Variants in USP49 observed in about 807,000 individuals in gnomAD.
USP49 encodes ubiquitin carboxyl-terminal hydrolase 49.
A neutral mutation model predicts 58.6 loss-of-function variants in USP49; 24 were observed. The observed-to-expected ratio is 0.41, with a 90% CI of 0.30 to 0.58. The LOEUF is 0.58. USP49 is among the 20% of genes least tolerant of loss of function. USP49 has a pLI of 0.30. For missense variants in USP49, 703 were observed against 866.1 expected (o/e 0.81, Z 2.36); for synonymous variants, 408 against 365.1 (o/e 1.12, Z -1.34).
intron 5 of USP49, among the ~76,000 whole-genome samples, chr6:41,802,407 T>TTTTTTTTTTATTTTATTTTA (rs1554142774): frequency 1.3e-5 from 1 of 76,098 alleles, no homozygotes; most frequent in Admixed American, 1.7e-4. Flanking sequence ...TTTATTTTAT[T>TTTTTTTTTTATTTTATTTTA]TTTTATTTTA....
chr6:41,800,030 C>G (rs941721023), intron 5 of USP49, 92 bp from the exon 6 acceptor site: 25 of 1,131,026 alleles, frequency 2.2e-5, no homozygotes, highest in Non-Finnish European at 3.2e-5. Context: ...TATGCATTCT[C>G]CATATTTCTC....
chr6:41,873,007 A>G (rs2127360010), intron 2 of USP49: 1 of 152,444 alleles, frequency 6.6e-6, no homozygotes, highest in African/African-American at 2.4e-5. Context: ...GCTGGCTGTC[A>G]AGATCCTAGA....
intron 6 of USP49, 44 bp downstream of exon 6, chr6:41,799,786 T>G (rs775921039): frequency 6.4e-7 from 1 of 1,563,016 alleles, no homozygotes; most frequent in South Asian, 1.1e-5. Context: ...GGAGCAGCTA[T>G]TCCCACAGCT....
chr6:41,860,577 G>A (rs1024716791), intron 3 of USP49, among the ~76,000 whole-genome samples: 3 of 151,910 alleles, frequency 2.0e-5, no homozygotes, highest in East Asian at 1.9e-4. Context: ...GCATGATCTC[G>A]GCTCACTGCA....
At position 41,864,652 on chromosome 6, in the gene USP49, A is replaced by G. The variant is rs144515780; in HGVS notation, c.-29+6912T>C. Reference sequence around the variant, plus strand: ...AATTAAAAAAAAATTCTATTAAAGTATATTTTAAAATTAAAATAATTTTTG... The same window carrying G: ...AATTAAAAAAAAATTCTATTAAAGTGTATTTTAAAATTAAAATAATTTTTG... On this transcript the variant is annotated intron_variant, in intron 3 of 7. Coordinates refer to ENST00000682992, the MANE Select transcript of USP49 (RefSeq NM_001286554.2). Among the ~76,000 whole-genome samples, 80 of 152,336 alleles carry G rather than the reference A, an allele frequency of 5.3e-4. 1 individual carries two copies. The highest frequency in any genetic ancestry group is 9.1e-4 in the Non-Finnish European group (62 of 68,034).
intron 3 of USP49, among the ~76,000 whole-genome samples, chr6:41,819,790 T>C (rs1773422267): frequency 1.3e-5 from 2 of 152,214 alleles, no homozygotes; most frequent in East Asian, 1.9e-4. Flanking sequence ...GAAAGGTTCA[T>C]AGCAGCATTA....
At chr6:41,855,110 T>C (rs1774102671) in intron 3 of USP49, among the ~76,000 whole-genome samples, 1 of 151,992 alleles carries the variant, frequency 6.6e-6, no homozygotes, top group Non-Finnish European at 1.5e-5. Flanking sequence ...ATTATTTAAA[T>C]GTCACAATTT....
chr6:41,836,557 A>G (rs974260506), intron 3 of USP49, among the ~76,000 whole-genome samples: 2 of 152,232 alleles, frequency 1.3e-5, no homozygotes, highest in Non-Finnish European at 2.9e-5. Flanking sequence ...AAAGGCATCC[A>G]AATAGGAAGA....
chr6:41,798,515 AT>A (rs1581987527), intron 7 of USP49: 1 of 1,404,236 alleles, frequency 7.1e-7, no homozygotes, highest in East Asian at 2.5e-5. Flanking sequence ...ACCTCAGGTG[AT>A]CCACCCACCG....
rs910431985 is a variant in USP49 at position 41,863,872 on chromosome 6, C to T, written c.-29+7692G>A. On this transcript the variant is annotated intron_variant, in intron 3 of 7. Coordinates refer to ENST00000682992, the MANE Select transcript of USP49 (RefSeq NM_001286554.2). ...CCTCGGGCTCAGGTGATCACCCCAC[C>T]TCAGCCCTTGGAACAGCTGGGATTA... Among the ~76,000 whole-genome samples, 46 of 152,282 alleles carry T rather than the reference C, an allele frequency of 3.0e-4. 1 individual carries two copies. The highest frequency in any genetic ancestry group is 1.5e-5 in the Non-Finnish European group (1 of 68,030).
At chr6:41,894,987 A>T (rs1451627942) in intron 1 of USP49, among the ~76,000 whole-genome samples, 1 of 150,318 alleles carries the variant, frequency 6.7e-6, no homozygotes, top group Non-Finnish European at 1.5e-5. Context: ...CCGCCAAAAT[A>T]AGGCGCCCGC....
chr6:41,823,384 C>T (rs4113808), intron 3 of USP49, among the ~76,000 whole-genome samples: 1 of 152,160 alleles, frequency 6.6e-6, no homozygotes, highest in Non-Finnish European at 1.5e-5. Flanking sequence ...AAATGGTTTA[C>T]TATGTTTTCC....
At chr6:41,859,968 C>T (rs1774192257) in intron 3 of USP49, among the ~76,000 whole-genome samples, 1 of 152,128 alleles carries the variant, frequency 6.6e-6, no homozygotes, top group Non-Finnish European at 1.5e-5. Context: ...TTGGCAAGAG[C>T]CACTAGCTAA....
At chr6:41,818,347 A>ACACACACACATGCG (rs1773393372) in intron 3 of USP49, among the ~76,000 whole-genome samples, 2 of 152,148 alleles carry the variant, frequency 1.3e-5, no homozygotes, top group African/African-American at 4.8e-5. Context: ...ACGTGTACAC[A>ACACACACACATGCG]CACACACACA....
chr6:41,833,197 T>C (rs903794900), intron 3 of USP49, among the ~76,000 whole-genome samples: 1 of 151,802 alleles, frequency 6.6e-6, no homozygotes, highest in Non-Finnish European at 1.5e-5. Context: ...TTTGTATTTT[T>C]AGTAGAGATG....
At chr6:41,804,251 C>T (rs1288238308) in intron 4 of USP49, among the ~76,000 whole-genome samples, 4 of 152,096 alleles carry the variant, frequency 2.6e-5, no homozygotes, top group African/African-American at 9.7e-5. Context: ...TATACTAACC[C>T]CCCTTTTCAC....
At chr6:41,799,023 T>C in intron 6 of USP49, 94 bp from the exon 7 acceptor site, 1 of 1,475,644 alleles carries the variant, frequency 6.8e-7, no homozygotes, top group South Asian at 1.5e-5. Flanking sequence ...CTGAGAAAAT[T>C]TAACCTTCTG....
chr6:41,875,254 A>C (rs902192564), intron 2 of USP49, among the ~76,000 whole-genome samples: 3 of 151,966 alleles, frequency 2.0e-5, no homozygotes, highest in Non-Finnish European at 2.9e-5. Flanking sequence ...TATGTTTTAA[A>C]GTTTAAAAAG....
Position 41,806,357 on chromosome 6 carries a change from TG to T in USP49, c.626del (p.Ala209AspfsTer56). Reference sequence around the variant, plus strand: ...CGCGGGGCGTGTGCAGGAGCAGCCGTGCACTCTTGCGCGGAGGGGTGCTGGC... The same window carrying T: ...CGCGGGGCGTGTGCAGGAGCAGCCGTCACTCTTGCGCGGAGGGGTGCTGGC... Reference protein sequence around the residue: ...ELASTPPRKSARLLLHTPRDA... With the variant: ...ELASTPPRKSXRLLLHTPRDA... On this transcript the variant is annotated frameshift_variant, in exon 4 of 8. Coordinates refer to ENST00000682992, the MANE Select transcript of USP49 (RefSeq NM_001286554.2). LOFTEE classifies it high-confidence loss of function. This position sits in a 1 kb window ranked among gnomAD's most constrained non-coding sequence, Gnocchi z 5.9. 6.5e-7 allele frequency: 1 copy of T among 1,533,032 alleles called. No individual in the cohort carries two copies. The highest frequency in any genetic ancestry group is 8.7e-7 in the Non-Finnish European group (1 of 1,151,264). The allele number at this position is 1,533,032 out of a possible 1,614,324, so 95.0% of individuals were successfully genotyped here.
Sources: allele counts gnomAD v4.1 joint callset (sites outside exome capture counted in the v4.1 genomes callset), GRCh38; gene constraint gnomAD v4.1.1; non-coding constraint Gnocchi (gnomAD v3.1); transcripts MANE v1.5; gene names NCBI Gene and HGNC (gene_info 2026-07-23, HGNC 2026-07-21).